RAB3C: variants seen among roughly 807,000 people sequenced by gnomAD.
RAB3C encodes the protein ras-related protein Rab-3C.
RAB3C carries 17 observed loss-of-function variants against 26.4 expected under a neutral mutation model. That is an observed-to-expected ratio of 0.64 (90% confidence interval 0.44 to 0.97). RAB3C has a LOEUF of 0.97. RAB3C is among the 50% of genes least tolerant of loss of function. RAB3C has a pLI of 0.00. For missense variants in RAB3C, 242 were observed against 281.9 expected, an observed-to-expected ratio of 0.86 and a Z score of 1.01; for synonymous variants, 91 against 95.9, an observed-to-expected ratio of 0.95 and a Z score of 0.30.
chr5:58,831,471 A>G (rs1379135135), intron 4 of RAB3C, among the ~76,000 whole-genome samples: 1 of 152,232 alleles, frequency 6.6e-6, no homozygotes, highest in Admixed American at 6.5e-5. Flanking sequence ...GCTGTGATTT[A>G]TAAGAAACCT....
chr5:58,627,471 T>TAAAAA (rs58104232), intron 2 of RAB3C, among the ~76,000 whole-genome samples: 3 of 68,442 alleles, frequency 4.4e-5, no homozygotes, highest in Non-Finnish European at 6.4e-5. Context: ...GACTCCGTCT[T>TAAAAA]AAAAAAAAAA....
chr5:58,820,708 G>A (rs1002156707), intron 3 of RAB3C, among the ~76,000 whole-genome samples: 2 of 151,976 alleles, frequency 1.3e-5, no homozygotes, highest in African/African-American at 2.4e-5. Context: ...ATTATTTCCC[G>A]ACAATTTAGA....
intron 2 of RAB3C, among the ~76,000 whole-genome samples, chr5:58,672,081 C>T (rs894234638): frequency 2.0e-5 from 3 of 152,126 alleles, no homozygotes; most frequent in Non-Finnish European, 4.4e-5. Flanking sequence ...TAAGATGTCT[C>T]ACTATAGAGC....
chr5:58,629,027 G>GAAAAA (rs70973148), intron 2 of RAB3C, among the ~76,000 whole-genome samples: 1 of 56,056 alleles, frequency 1.8e-5, no homozygotes, highest in Non-Finnish European at 3.1e-5. Flanking sequence ...CTCACTTCTG[G>GAAAAA]AAAAAAAAAA....
At chr5:58,841,729 G>A (rs1743880239) in intron 4 of RAB3C, among the ~76,000 whole-genome samples, 1 of 152,154 alleles carries the variant, frequency 6.6e-6, no homozygotes, top group African/African-American at 2.4e-5. Context: ...TTTCTCTTCA[G>A]TGGAAAGTCC....
intron 2 of RAB3C, among the ~76,000 whole-genome samples, chr5:58,663,684 T>C (rs528467268): frequency 3.3e-5 from 5 of 152,228 alleles, no homozygotes; most frequent in African/African-American, 1.2e-4. Flanking sequence ...TCATTAGTTA[T>C]TAGGGAAATT....
At chr5:58,602,538 A>G (rs1000903242) in intron 1 of RAB3C, among the ~76,000 whole-genome samples, 3 of 152,050 alleles carry the variant, frequency 2.0e-5, no homozygotes, top group African/African-American at 4.8e-5. Context: ...CATTAGGTGC[A>G]TATGTTTAGG....
intron 2 of RAB3C, among the ~76,000 whole-genome samples, chr5:58,721,231 T>G (rs1204945568): frequency 7.2e-6 from 1 of 139,022 alleles, no homozygotes; most frequent in South Asian, 2.2e-4. Flanking sequence ...TTAAGCTAAC[T>G]GAAATAATTT....
intron 2 of RAB3C, among the ~76,000 whole-genome samples, chr5:58,714,320 A>G (rs1213537505): frequency 6.6e-6 from 1 of 152,168 alleles, no homozygotes; most frequent in African/African-American, 2.4e-5. Flanking sequence ...AGACAATGGA[A>G]TGATGTGGTA....
chr5:58,777,970 A>G (rs1742186529), intron 3 of RAB3C, among the ~76,000 whole-genome samples: 1 of 152,114 alleles, frequency 6.6e-6, no homozygotes, highest in Non-Finnish European at 1.5e-5. Context: ...CATGTTTTGT[A>G]TACAGTTCTA....
At chr5:58,823,024 T>G (rs665051) in intron 3 of RAB3C, 294,740 of 602,672 alleles carry the variant, frequency 0.49, 75,940 homozygotes, top group Middle Eastern at 0.59. Context: ...AAGGCTGTTC[T>G]GTCCCTCACA....
intron 2 of RAB3C, among the ~76,000 whole-genome samples, chr5:58,705,831 A>G (rs1748932532): frequency 6.6e-6 from 1 of 152,164 alleles, no homozygotes; most frequent in Non-Finnish European, 1.5e-5. Flanking sequence ...GAAATGAAGC[A>G]AATTAAATTT....
intron 2 of RAB3C, among the ~76,000 whole-genome samples, chr5:58,638,447 A>G (rs1017308818): frequency 6.6e-6 from 1 of 151,570 alleles, no homozygotes. Context: ...AATTTTTTTT[A>G]TTCTCATGGA....
At chr5:58,732,351 G>GA in intron 3 of RAB3C, among the ~76,000 whole-genome samples, 1 of 151,658 alleles carries the variant, frequency 6.6e-6, no homozygotes. Flanking sequence ...TAGGAAAGGA[G>GA]AAAAAACATA....
chr5:58,733,248 G>A (rs767564547), intron 3 of RAB3C, among the ~76,000 whole-genome samples: 4 of 152,052 alleles, frequency 2.6e-5, no homozygotes, highest in African/African-American at 7.2e-5. Flanking sequence ...CATAGAAAAC[G>A]CAGACCATAT....
At chr5:58,600,922 C>T (rs191671290) in intron 1 of RAB3C, among the ~76,000 whole-genome samples, 90 of 152,168 alleles carry the variant, frequency 5.9e-4, no homozygotes, top group African/African-American at 1.8e-3. Context: ...TGTCTTGTTC[C>T]AGTTCTCAGA....
At chr5:58,670,156 CACTACT>C (rs1748082963) in intron 2 of RAB3C, among the ~76,000 whole-genome samples, 2 of 152,260 alleles carry the variant, frequency 1.3e-5, no homozygotes, top group East Asian at 3.9e-4. Context: ...CTCCCACCAA[CACTACT>C]ACCACATACA....
At chr5:58,584,041 C>A (rs955689173) in intron 1 of RAB3C, among the ~76,000 whole-genome samples, 1 of 152,166 alleles carries the variant, frequency 6.6e-6, no homozygotes, top group South Asian at 2.1e-4. Flanking sequence ...CGTTAAACAT[C>A]AGCTTGTGTT....
intron 3 of RAB3C, 28 bp downstream of exon 3, chr5:58,726,148 T>C: frequency 8.8e-7 from 1 of 1,130,812 alleles, no homozygotes; most frequent in Non-Finnish European, 1.3e-6. Flanking sequence ...CTCTTATTAC[T>C]GATAATGATG....
Sources: gnomAD v4.1 joint callset for allele counts (sites outside exome capture counted in the v4.1 genomes callset) on GRCh38, gnomAD v4.1.1 for gene constraint, MANE v1.5 for transcripts, NCBI Gene and HGNC (gene_info 2026-07-23, HGNC 2026-07-21) for gene names.